Variants in SLC9C1 observed in about 807,000 individuals in gnomAD.
SLC9C1 encodes solute carrier family 9 member C1.
SLC9C1 carries 97 observed loss-of-function variants against 140.9 expected under a neutral mutation model. That is an observed-to-expected ratio of 0.69 (90% CI 0.58 to 0.82). SLC9C1 has a LOEUF of 0.82. Ranked by LOEUF, SLC9C1 falls within the 40% of genes least tolerant of loss-of-function variation. SLC9C1 has a pLI of 0.00. For synonymous variants in SLC9C1, 440 were observed against 442.6 expected, an observed-to-expected ratio of 0.99 and a Z score of 0.07; for missense variants, 1,340 against 1,389.3, an observed-to-expected ratio of 0.96 and a Z score of 0.56.
intron 28 of SLC9C1, among the ~76,000 whole-genome samples, chr3:112,141,537 C>A (rs2074622949): frequency 1.3e-5 from 2 of 152,060 alleles, no homozygotes; most frequent in Admixed American, 6.6e-5. Flanking sequence ...AATGAACAGG[C>A]ATAGTTTATG....
At chr3:112,245,422 G>T in intron 10 of SLC9C1, among the ~76,000 whole-genome samples, 1 of 151,476 alleles carries the variant, frequency 6.6e-6, no homozygotes, top group East Asian at 1.9e-4. Flanking sequence ...GGTAAAAATA[G>T]AGTTTTTCTT....
chr3:112,142,471 T>A (rs1264065121), intron 28 of SLC9C1, among the ~76,000 whole-genome samples: 1 of 152,146 alleles, frequency 6.6e-6, no homozygotes, highest in Non-Finnish European at 1.5e-5. Context: ...TTTGGACCAT[T>A]CTTGAACTGC....
rs71134809 is a variant in SLC9C1, at chr3:112,231,122, GTC to G, written c.1572+237_1572+238del. ...TTCTTTCCTTCTTTCTCTGTCTTTC[GTC>G]TCTCTCTCTCTCTTTTTCTCCCTTT... On this transcript the variant is annotated intron_variant, in intron 13 of 28. Transcript: ENST00000305815. Among the ~76,000 whole-genome samples, 375 of 102,624 alleles carry G rather than the reference GTC, an allele frequency of 3.7e-3. 1 individual carries two copies. The highest frequency in any genetic ancestry group is 0.017 in the Middle Eastern group (4 of 232). 67.3% of individuals were successfully genotyped at this position (102,624 alleles called of 152,430 possible). A position where few individuals can be genotyped will look rare whatever the true frequency, so the allele number is the denominator to read the frequency against.
At position 112,286,762 on chromosome 3, in the gene SLC9C1, G is replaced by GA. The variant is rs749004401; in HGVS notation, c.29dup (p.Ser11GlnfsTer3). On this transcript the variant is annotated frameshift_variant, in exon 2 of 29. Coordinates refer to ENST00000305815, the MANE Select transcript of SLC9C1 (RefSeq NM_183061.3). LOFTEE classifies it high-confidence loss of function. ...TGACTTCAGGGAGGTCCTCAGTACTGAAAAAAAACTCCTTAAATATTCCAG... is the reference window on the plus strand; with the variant it reads ...TGACTTCAGGGAGGTCCTCAGTACTGAAAAAAAAACTCCTTAAATATTCCAG... 5.6e-5 allele frequency: 90 copies of GA among 1,609,710 alleles called. No individual in the cohort carries two copies. In the Middle Eastern group the frequency reaches 6.6e-4, roughly 12 times the overall value.
intron 13 of SLC9C1, among the ~76,000 whole-genome samples, chr3:112,231,150 C>G (rs980398481): frequency 2.9e-5 from 1 of 34,958 alleles, no homozygotes; most frequent in Non-Finnish European, 7.3e-5. Flanking sequence ...TTCTCCCTTT[C>G]TTTCTTTCTT....
At chr3:112,202,156 C>A in intron 18 of SLC9C1, 94 bp downstream of exon 18, 1 of 1,375,002 alleles carries the variant, frequency 7.3e-7, no homozygotes, top group South Asian at 1.3e-5. Context: ...AACCAGGAGT[C>A]AAAGACATCT....
chr3:112,144,916 T>G (rs1476049673), intron 28 of SLC9C1, among the ~76,000 whole-genome samples: 1 of 152,200 alleles, frequency 6.6e-6, no homozygotes, highest in Non-Finnish European at 1.5e-5. Flanking sequence ...TCTTTTTCTT[T>G]TTTGGATGAC....
chr3:112,269,532 T>C (rs2080013679), intron 7 of SLC9C1, among the ~76,000 whole-genome samples: 1 of 152,236 alleles, frequency 6.6e-6, no homozygotes, highest in South Asian at 2.1e-4. Context: ...ATGTAAAGGA[T>C]ATGCATTCTG....
At chr3:112,217,595 A>T (rs759167839) in intron 14 of SLC9C1, 34 bp from the exon 15 acceptor site, 3 of 1,537,288 alleles carry the variant, frequency 2.0e-6, no homozygotes, top group Non-Finnish European at 2.6e-6. Context: ...AACATGCTTT[A>T]AACATTTTGA....
chr3:112,272,938 C>T (rs1444107559), intron 6 of SLC9C1, among the ~76,000 whole-genome samples: 1 of 152,076 alleles, frequency 6.6e-6, no homozygotes, highest in Non-Finnish European at 1.5e-5. Flanking sequence ...CTTTTCCTTT[C>T]CCTTCTCCCA....
chr3:112,204,512 AT>A (rs2077992597), intron 16 of SLC9C1, 109 bp from the exon 17 acceptor site: 9 of 1,175,246 alleles, frequency 7.7e-6, no homozygotes, highest in Non-Finnish European at 1.1e-5. Context: ...TCTACTCCAC[AT>A]GTATGAAATA....
rs939470607 is a variant in SLC9C1, at chr3:112,286,869, C to T, written c.-78G>A. ...CATCCATCTTGTTGTTTTTCACAGT[C>T]CATCTGAATCTAAGAAACATAAGAT... is the stretch of plus-strand genomic sequence containing the variant. On this transcript the variant is annotated 5_prime_UTR_variant, in exon 2 of 29. Transcript: ENST00000305815. 2.1e-5 allele frequency: 19 copies of T among 907,292 alleles called. No individual in the cohort carries two copies. In the African/African-American group the frequency reaches 2.9e-4, roughly 14 times the overall value. 56.2% of individuals were successfully genotyped at this position (907,292 alleles called of 1,614,324 possible). A position where few individuals can be genotyped will look rare whatever the true frequency, so the allele number is the denominator to read the frequency against.
In SLC9C1 at chr3:112,274,961, T is replaced by G. The variant is rs762447116; in HGVS notation, c.549A>C (p.Leu183Phe). Residue 183 changes from leucine (L) to phenylalanine (F), a missense_variant, in exon 6 of 29, where the codon TTA (leucine) becomes TTC (phenylalanine). By Grantham distance (22) the Leu-to-Phe change is conservative (BLOSUM62 0). Coordinates refer to ENST00000305815, the MANE Select transcript of SLC9C1 (RefSeq NM_183061.3). The part of the protein sequence containing the change: ...GESLMTSVIS[L>F]ITFTSIMDFD... ...AATCCATAATACTAGTAAATGTAAT[T>G]AATGATATAACAGAGGTCATCAGAC... 4 of 1,580,268 alleles carry G rather than the reference T, an allele frequency of 2.5e-6. 1 individual carries two copies. In the South Asian group the frequency reaches 4.8e-5, roughly 19 times the overall value.
intron 10 of SLC9C1, among the ~76,000 whole-genome samples, chr3:112,254,678 T>C (rs1216832153): frequency 6.6e-6 from 1 of 151,888 alleles, no homozygotes; most frequent in African/African-American, 2.4e-5. Context: ...AAAGCAACTA[T>C]ACAAACAAAC....
Position 112,208,159 on chromosome 3 carries a change from C to A in SLC9C1, c.1986+19G>T. On this transcript the variant is annotated intron_variant, in intron 16 of 28. Transcript: ENST00000305815. ...GTCAGACATATAACACTTCCATACA[C>A]ACATAAATTTTAGATTACCTTAAGT... 3 of 1,558,558 alleles carry A rather than the reference C, an allele frequency of 1.9e-6. No individual in the cohort carries two copies. Among genetic ancestry groups the A allele is most frequent in the Non-Finnish European group, 2.6e-6 (3 of 1,151,022 alleles).
chr3:112,244,336 T>A (rs2079220028), intron 10 of SLC9C1, among the ~76,000 whole-genome samples: 1 of 152,228 alleles, frequency 6.6e-6, no homozygotes, highest in South Asian at 2.1e-4. Flanking sequence ...TCAATACTTA[T>A]ACAGACATTG....
rs1201882433 is a variant in SLC9C1, at chr3:112,278,745, T to C, written c.302A>G (p.Gln101Arg). ...AATGCTTACCTGCCAAAATAACTTT[T>C]GAAGCATGTACGTATCCATGTCAAA... ...TAFDMDTYML[Q>R]KLFWQILLIS... The change falls in exon 4 of 29, where the codon CAA becomes CGA. Residue 101 changes from glutamine to arginine, a missense_variant. Gln to Arg is a conservative substitution (Grantham distance 43, BLOSUM62 1). Transcript: ENST00000305815. 6.2e-7 allele frequency: 1 copy of C among 1,600,664 alleles called. No homozygotes were observed. The highest frequency in any genetic ancestry group is 8.5e-7 in the Non-Finnish European group (1 of 1,176,378).
chr3:112,180,688 A>G (rs1295529335), intron 21 of SLC9C1, 26 bp from the exon 22 acceptor site: 1 of 1,528,022 alleles, frequency 6.5e-7, no homozygotes, highest in Admixed American at 1.9e-5. Context: ...AAATACATAA[A>G]CTATAAACAA....
chr3:112,177,005 C>CTTTTTTTT (rs57879370), intron 23 of SLC9C1, among the ~76,000 whole-genome samples: 2 of 104,722 alleles, frequency 1.9e-5, no homozygotes, highest in Admixed American at 1.0e-4. Flanking sequence ...CTCTCTCTCT[C>CTTTTTTTT]TTTTTTTTTT....
Sources: gnomAD v4.1 joint callset for allele counts (sites outside exome capture counted in the v4.1 genomes callset) on GRCh38, gnomAD v4.1.1 for gene constraint, MANE v1.5 for transcripts, NCBI Gene and HGNC (gene_info 2026-07-23, HGNC 2026-07-21) for gene names.